Variants in GNL3L observed in about 807,000 individuals in gnomAD.
The protein encoded by GNL3L is G protein nucleolar 3 like, also known as guanine nucleotide-binding protein-like 3-like protein.
Under a neutral mutation model 42.9 loss-of-function variants are expected in GNL3L, and 4 were observed. The observed-to-expected ratio is 0.09, with a 90% CI of 0.05 to 0.21. The LOEUF is 0.21. Ranked by LOEUF, GNL3L falls within the 10% of genes least tolerant of loss-of-function variation. GNL3L has a pLI of 1.00. For missense variants in GNL3L, 412 were observed against 481.7 expected (o/e 0.86, Z 1.36); for synonymous variants, 159 against 176.3 (o/e 0.90, Z 0.78).
intron 1 of GNL3L, among the ~76,000 whole-genome samples, chrX:54,530,748 G>T (rs773951763): frequency 8.9e-6 from 1 of 112,198 alleles, no homozygotes; most frequent in East Asian, 2.8e-4. Context: ...GCTGAGCAGC[G>T]CAGACTTCTC....
chrX:54,557,272 A>T (rs910963401), intron 14 of GNL3L, among the ~76,000 whole-genome samples: 17 of 106,692 alleles, frequency 1.6e-4, no homozygotes, highest in Non-Finnish European at 2.5e-4. Context: ...CAAAAAAAAA[A>T]TTTTTTTTTA....
chrX:54,617,595 C>T (rs184197804), intron 16 of GNL3L, among the ~76,000 whole-genome samples: 12 of 111,984 alleles, frequency 1.1e-4, no homozygotes, highest in African/African-American at 3.9e-4. Flanking sequence ...ACTCCCTTCC[C>T]GCAAATTCAT....
intron 13 of GNL3L, among the ~76,000 whole-genome samples, chrX:54,552,870 A>C (rs1009434910): frequency 8.9e-6 from 1 of 112,020 alleles, no homozygotes; most frequent in Non-Finnish European, 1.9e-5. Flanking sequence ...ATATTTGCCA[A>C]AAGGATGTCA....
At chrX:54,543,756 A>G (rs755104865) in intron 7 of GNL3L, among the ~76,000 whole-genome samples, 3 of 111,873 alleles carry the variant, frequency 2.7e-5, no homozygotes, top group Admixed American at 9.5e-5. Flanking sequence ...TAGCTGTAAA[A>G]TGGGCCATGG....
At chrX:54,614,772 G>A (rs182212418) in intron 16 of GNL3L, among the ~76,000 whole-genome samples, 47 of 111,356 alleles carry the variant, frequency 4.2e-4, no homozygotes, top group South Asian at 3.1e-3. Context: ...TATTTGGGGC[G>A]TCTCCTGGGT....
chrX:54,623,405 T>C (rs755577161), downstream of GNL3L, among the ~76,000 whole-genome samples: 3 of 111,651 alleles, frequency 2.7e-5, no homozygotes, highest in African/African-American at 9.8e-5. Context: ...GCTGGGATTA[T>C]AGGCATGTGC....
downstream of GNL3L, among the ~76,000 whole-genome samples, chrX:54,624,393 G>C (rs1926327779): frequency 1.8e-5 from 2 of 109,134 alleles, no homozygotes; most frequent in African/African-American, 6.7e-5. Context: ...CTTGAAGTCT[G>C]AGATCAAGGA....
chrX:54,568,678 C>G (rs753302116), downstream of GNL3L, among the ~76,000 whole-genome samples: 2 of 110,888 alleles, frequency 1.8e-5, no homozygotes, highest in South Asian at 7.7e-4. Flanking sequence ...CTCAGCCTCC[C>G]AAGTAGCTGG....
At chrX:54,557,080 G>A (rs1925116217) in intron 14 of GNL3L, among the ~76,000 whole-genome samples, 1 of 108,679 alleles carries the variant, frequency 9.2e-6, no homozygotes, top group Admixed American at 9.9e-5. Flanking sequence ...TACTCGAGAG[G>A]TTGAGGCAGG....
intron 16 of GNL3L, among the ~76,000 whole-genome samples, chrX:54,586,358 C>T (rs1368758738): frequency 9.1e-6 from 1 of 109,664 alleles, no homozygotes; most frequent in Non-Finnish European, 1.9e-5. Flanking sequence ...AGCACTCATG[C>T]GGGGTCCCAA....
intron 3 of GNL3L, among the ~76,000 whole-genome samples, chrX:54,539,792 CT>C (rs1924553725): frequency 1.8e-5 from 2 of 111,687 alleles, no homozygotes; most frequent in South Asian, 7.4e-4. Context: ...TTCCCTGGGC[CT>C]TGGGAAACCT....
chrX:54,577,299 G>C (rs1925650053), intron 16 of GNL3L, among the ~76,000 whole-genome samples: 1 of 111,960 alleles, frequency 8.9e-6, no homozygotes, highest in Admixed American at 9.5e-5. Context: ...CCCAGCTTTT[G>C]AAGTGTAATT....
Position 54,532,581 on chromosome X carries a change from A to G in GNL3L, c.15A>G (p.Arg5=). Residue 5 remains arginine (R), a synonymous_variant, in exon 2 of 16, where the codon AGA becomes AGG. Coordinates refer to ENST00000360845, the MANE Select transcript of GNL3L (RefSeq NM_001184819.2). ...AGCTGGTCATCATGATGAAACTTAG[A>G]CACAGTGAGTTTCCTTTACCACCCC... MMKL[R]HKNKKPGEGS... is the part of the protein sequence containing the mutation. 8.5e-7 allele frequency: 1 copy of G among 1,175,840 alleles called. No homozygotes were observed. The highest frequency in any genetic ancestry group is 1.2e-6 in the Non-Finnish European group (1 of 862,802).
intron 15 of GNL3L, among the ~76,000 whole-genome samples, 153 bp from the exon 16 acceptor site, chrX:54,560,367 C>T (rs995383352): frequency 2.7e-5 from 3 of 111,800 alleles, no homozygotes; most frequent in Non-Finnish European, 5.6e-5. Flanking sequence ...TGAGCAGTGG[C>T]TTCCAGCACT....
intron 7 of GNL3L, 32 bp downstream of exon 7, chrX:54,543,374 G>A: frequency 5.0e-6 from 6 of 1,200,287 alleles, no homozygotes; most frequent in Non-Finnish European, 6.8e-6. Context: ...GTGTGACAGG[G>A]AAGGTGGGCA....
chrX:54,550,296 G>A (rs12014815), intron 9 of GNL3L, among the ~76,000 whole-genome samples: 86 of 107,849 alleles, frequency 8.0e-4, no homozygotes, highest in African/African-American at 2.5e-3. Flanking sequence ...AGAGAGGGAG[G>A]GGGGAGAGAG....
chrX:54,587,100 A>G (rs1033880451), intron 16 of GNL3L, among the ~76,000 whole-genome samples: 4 of 111,742 alleles, frequency 3.6e-5, no homozygotes, highest in Middle Eastern at 9.2e-3. Context: ...TACCTGGTCC[A>G]CTGCTGCCAT....
the GNL3L span, among the ~76,000 whole-genome samples, chrX:54,628,148 A>G: frequency 1.9e-5 from 2 of 107,278 alleles, no homozygotes; most frequent in Non-Finnish European, 3.8e-5. Context: ...ATGGTCTCCA[A>G]CTCCGTCCAG....
At position 54,554,591 on chromosome X, in the gene GNL3L, C is replaced by G; in HGVS notation, c.1345C>G (p.Leu449Val). The G allele has an allele frequency of 8.3e-7, 1 of 1,205,435 alleles. No homozygotes were observed. The highest frequency in any genetic ancestry group is 1.1e-6 in the Non-Finnish European group (1 of 889,910). ...CTTGGCCACCGGAGAATCTGATGAG[C>G]TGTTGGGTGACACGGACCCACTTGA... ...ECLATGESDELLGDTDPLEME... is the reference protein window; with the variant it reads ...ECLATGESDEVLGDTDPLEME... Residue 449 changes from leucine to valine, a missense_variant, in exon 14 of 16, where the codon CTG (leucine) becomes GTG (valine). Physicochemically the swap from Leu to Val is conservative, Grantham distance 32. Coordinates refer to ENST00000360845, the MANE Select transcript of GNL3L (RefSeq NM_001184819.2).
Sources: allele counts gnomAD v4.1 joint callset (sites outside exome capture counted in the v4.1 genomes callset), GRCh38; gene constraint gnomAD v4.1.1; transcripts MANE v1.5; gene names NCBI Gene and HGNC (gene_info 2026-07-23, HGNC 2026-07-21).